MYT1: variants seen among roughly 807,000 people sequenced by gnomAD.
The protein encoded by MYT1 is myelin transcription factor I.
MYT1 carries 23 observed loss-of-function variants against 123.0 expected under a neutral mutation model. The observed-to-expected ratio is 0.19, with a 90% CI of 0.13 to 0.26. The LOEUF is 0.26. Ranked by LOEUF, MYT1 falls within the 10% of genes least tolerant of loss-of-function variation. The pLI is 1.00. For synonymous variants in MYT1, 518 were observed against 575.3 expected (o/e 0.90, Z 1.43); for missense variants, 1,125 against 1,472.5 (o/e 0.76, Z 3.86).
chr20:64,210,281 T>C (rs1983626601), intron 7 of MYT1, among the ~76,000 whole-genome samples: 1 of 152,222 alleles, frequency 6.6e-6, no homozygotes, highest in Non-Finnish European at 1.5e-5. Context: ...CACCAGGCAG[T>C]GCCCAGCTGG....
At chr20:64,173,103 T>A (rs1378188836) in intron 1 of MYT1, among the ~76,000 whole-genome samples, 2 of 152,154 alleles carry the variant, frequency 1.3e-5, no homozygotes, top group Non-Finnish European at 2.9e-5. Flanking sequence ...AGCCCCTTCT[T>A]ATTGCCTTTG....
intron 1 of MYT1, among the ~76,000 whole-genome samples, chr20:64,173,269 G>T (rs1447477190): frequency 6.6e-6 from 1 of 152,142 alleles, no homozygotes; most frequent in Non-Finnish European, 1.5e-5. Flanking sequence ...ACCGTGGGAG[G>T]GTCAGGCCTC....
chr20:64,180,128 A>G (rs1359810866), intron 1 of MYT1, among the ~76,000 whole-genome samples: 5 of 151,428 alleles, frequency 3.3e-5, no homozygotes, highest in African/African-American at 1.2e-4. Flanking sequence ...ACACAGTTAT[A>G]CATGCTACAC....
chr20:64,202,387 A>G lies in MYT1; in HGVS notation c.86+2465A>G, dbSNP rs1983351330. On this transcript the variant is annotated intron_variant, in intron 4 of 22. Coordinates refer to ENST00000328439, the MANE Select transcript of MYT1 (RefSeq NM_004535.3). The surrounding 1 kb of genome is among the most constrained non-coding windows in gnomAD (Gnocchi z 5.0). ...TTTGCCTGGGTCCATCTGTTGTCACATGGCCTCAGACTGGCTCTGCCAGAG... is the reference window on the plus strand; with the variant it reads ...TTTGCCTGGGTCCATCTGTTGTCACGTGGCCTCAGACTGGCTCTGCCAGAG... 6.6e-6 allele frequency among the ~76,000 whole-genome samples: 1 copy of G among 152,198 alleles called. No individual in the cohort carries two copies. Among genetic ancestry groups the G allele is most frequent in the South Asian group, 2.1e-4 (1 of 4,834 alleles).
At chr20:64,215,477 C>A (rs1007481993) in intron 10 of MYT1, among the ~76,000 whole-genome samples, 1 of 152,108 alleles carries the variant, frequency 6.6e-6, no homozygotes, top group Non-Finnish European at 1.5e-5. Flanking sequence ...GGTGTGAGGA[C>A]GGGCTTTGCA....
chr20:64,222,225 C>T (rs994266362), intron 14 of MYT1, among the ~76,000 whole-genome samples, 178 bp downstream of exon 14: 1 of 152,328 alleles, frequency 6.6e-6, no homozygotes, highest in African/African-American at 2.4e-5. Flanking sequence ...TTCCCAACAC[C>T]TTTGTGTTGT....
chr20:64,207,500 G>A lies in MYT1; in HGVS notation c.398-94G>A, dbSNP rs545553199. On this transcript the variant is annotated intron_variant, in intron 6 of 22. Transcript: ENST00000328439. Reference sequence around the variant, plus strand: ...CTCCCGTATAAAGAGTGAGTGGTAGGTCAGGTGGAGGGGTGGTGGGTGTGT... The same window carrying A: ...CTCCCGTATAAAGAGTGAGTGGTAGATCAGGTGGAGGGGTGGTGGGTGTGT... 3.8e-4 allele frequency: 578 copies of A among 1,532,546 alleles called. No homozygotes were observed. The Middle Eastern group carries it at 6.4e-3, about 17-fold the overall frequency. 94.9% of individuals were successfully genotyped at this position (1,532,546 alleles called of 1,614,324 possible).
At chr20:64,236,447 C>A in intron 19 of MYT1, 108 bp from the exon 20 acceptor site, 2 of 811,798 alleles carry the variant, frequency 2.5e-6, no homozygotes, top group Non-Finnish European at 2.0e-6. Context: ...GTGGGTGACC[C>A]GGGGCTGGCC....
chr20:64,215,698 C>T (rs1192582389), intron 10 of MYT1, among the ~76,000 whole-genome samples: 3 of 152,004 alleles, frequency 2.0e-5, no homozygotes, highest in African/African-American at 4.8e-5. Context: ...GATCCTCCCA[C>T]CTCAGCCTCC....
chr20:64,240,235 C>T, intron 22 of MYT1, 85 bp from the exon 23 acceptor site: 4 of 1,555,468 alleles, frequency 2.6e-6, no homozygotes, highest in Non-Finnish European at 3.5e-6. Context: ...CACGTGGGGA[C>T]ATAGGTTTGA....
chr20:64,205,393 T>G (rs6010735), intron 5 of MYT1, among the ~76,000 whole-genome samples, 160 bp from the exon 6 acceptor site: 44 of 152,138 alleles, frequency 2.9e-4, no homozygotes, highest in Non-Finnish European at 5.1e-4. Context: ...TCTGACCCCC[T>G]AGTGCTGCAC....
In MYT1 at chr20:64,236,642, C is replaced by T. The variant is rs143162767; in HGVS notation, c.2985C>T (p.Ser995=). 5.2e-4 allele frequency: 845 copies of T among 1,613,080 alleles called. 2 individuals are homozygous for T. Among genetic ancestry groups the T allele is most frequent in the Non-Finnish European group, 6.8e-4 (801 of 1,179,412 alleles). ...TCCTCAGTCCAAAGTTCAAGACTAGCGACGGTAAGGATGGCTTCCTGGATT... is the reference window on the plus strand; with the variant it reads ...TCCTCAGTCCAAAGTTCAAGACTAGTGACGGTAAGGATGGCTTCCTGGATT... The part of the protein sequence containing the change: ...DEVLSPKFKT[S]DVLENDEEIK... Residue 995 remains serine (S), a synonymous_variant, in exon 20 of 23, where the codon AGC becomes AGT. Transcript: ENST00000328439.
rs998582334 is a variant in MYT1 at position 64,237,426 on chromosome 20, C to T, written c.3093+36C>T. On this transcript the variant is annotated intron_variant, in intron 21 of 22. Coordinates refer to ENST00000328439, the MANE Select transcript of MYT1 (RefSeq NM_004535.3). ...CCGCCCCCCGCTCCTGGGCTCTTTGCCCACCCAACCCAAACATTCGTCTTG... is the reference window on the plus strand; with the variant it reads ...CCGCCCCCCGCTCCTGGGCTCTTTGTCCACCCAACCCAAACATTCGTCTTG... 3 of 1,483,350 alleles carry T rather than the reference C, an allele frequency of 2.0e-6. No homozygotes were observed. In the Admixed American group the frequency reaches 5.8e-5, roughly 29 times the overall value. The allele number at this position is 1,483,350 out of a possible 1,614,324, so 91.9% of individuals were successfully genotyped here.
chr20:64,217,090 T>C lies in MYT1; in HGVS notation c.1655T>C (p.Leu552Pro), dbSNP rs748285315. ...AGGCCCATGTGCTTCGTGAAGCAGC[T>C]CGAGGTCCCTCCATATGGGAGCTAC... The part of the protein sequence containing the change: ...ILRPMCFVKQ[L>P]EVPPYGSYRP... Residue 552 changes from leucine to proline, a missense_variant, in exon 11 of 23, where the codon CTC becomes CCC. Leu to Pro is a moderately conservative substitution (Grantham distance 98). Around this residue, in one of 4 missense-constraint regions of MYT1, gnomAD observed 429 missense variants for 604.1 expected, o/e 0.71. Coordinates refer to ENST00000328439, the MANE Select transcript of MYT1 (RefSeq NM_004535.3). The C allele has an allele frequency of 3.1e-6, 5 of 1,613,750 alleles. No individual in the cohort carries two copies. The highest frequency in any genetic ancestry group is 1.1e-5 in the South Asian group (1 of 91,086).
intron 2 of MYT1, among the ~76,000 whole-genome samples, chr20:64,194,738 G>GAGAC (rs969567260): frequency 1.3e-5 from 2 of 152,218 alleles, no homozygotes; most frequent in African/African-American, 4.8e-5. Flanking sequence ...AAGGAGTGGG[G>GAGAC]AGACGCAGCC....
At chr20:64,235,954 G>A (rs1315570710) in intron 19 of MYT1, among the ~76,000 whole-genome samples, 3 of 142,788 alleles carry the variant, frequency 2.1e-5, no homozygotes, top group Admixed American at 6.9e-5. Flanking sequence ...TGGGCTGGAC[G>A]TGGTGGGTGA....
intron 1 of MYT1, among the ~76,000 whole-genome samples, chr20:64,184,806 C>A (rs1279472889): frequency 2.0e-5 from 3 of 152,140 alleles, no homozygotes; most frequent in African/African-American, 7.2e-5. Context: ...GAGGAAAACC[C>A]CACGTCACGT....
At chr20:64,236,701 G>A in intron 20 of MYT1, 55 bp downstream of exon 20, 2 of 1,470,550 alleles carry the variant, frequency 1.4e-6, no homozygotes, top group Non-Finnish European at 1.9e-6. Flanking sequence ...GGGTAAGTGA[G>A]AGCTGTGCAC....
chr20:64,212,913 G>T lies in MYT1; in HGVS notation c.1518-621G>T, dbSNP rs574446696. On this transcript the variant is annotated intron_variant, in intron 9 of 22. Coordinates refer to ENST00000328439, the MANE Select transcript of MYT1 (RefSeq NM_004535.3). This position sits in a 1 kb window ranked among gnomAD's most constrained non-coding sequence, Gnocchi z 6.8. ...TGAAAGGACTGCCAGAGCTTTTGAG[G>T]TCACTTCATTTGAAAAGAGGCCAGT... Among the ~76,000 whole-genome samples, 3 of 152,312 alleles carry T rather than the reference G, an allele frequency of 2.0e-5. No homozygotes were observed. Among genetic ancestry groups the T allele is most frequent in the East Asian group, 1.9e-4 (1 of 5,182 alleles).
Sources: gnomAD v4.1 joint callset for allele counts (sites outside exome capture counted in the v4.1 genomes callset) on GRCh38, gnomAD v4.1.1 for gene constraint, gnomAD v4.1.1 regional missense constraint, Gnocchi (gnomAD v3.1) non-coding constraint, MANE v1.5 for transcripts, NCBI Gene and HGNC (gene_info 2026-07-23, HGNC 2026-07-21) for gene names.